Variants in BIRC6 observed in about 807,000 individuals in gnomAD.
BIRC6 encodes the protein baculoviral IAP repeat containing 6.
BIRC6 carries 98 observed loss-of-function variants against 503.3 expected under a neutral mutation model. That is an observed-to-expected ratio of 0.19 (90% CI 0.17 to 0.23). The LOEUF is 0.23. Among genes scored for constraint, BIRC6 ranks in the 10% least tolerant of loss-of-function variants. The probability of loss-of-function intolerance (pLI) is 1.00; values close to 1 mark genes in which losing one functional copy is unlikely to be tolerated. For missense variants in BIRC6, 5,360 were observed against 5,806.0 expected, an observed-to-expected ratio of 0.92 and a Z score of 2.50; for synonymous variants, 2,240 against 2,078.7, an observed-to-expected ratio of 1.08 and a Z score of -2.11.
chr2:32,582,637 C>T (rs746221764), intron 66 of BIRC6, among the ~76,000 whole-genome samples: 13 of 152,044 alleles, frequency 8.6e-5, no homozygotes, highest in Non-Finnish European at 1.2e-4. Context: ...TGGTGGCACG[C>T]ACCCGTAATC....
chr2:32,447,521 CAGA>C (rs2046172059), intron 21 of BIRC6, among the ~76,000 whole-genome samples: 1 of 127,554 alleles, frequency 7.8e-6, no homozygotes, highest in African/African-American at 3.2e-5. Flanking sequence ...GCTGGCCGGG[CAGA>C]GGGGTCCTCA....
chr2:32,400,050 C>A (rs550463205), intron 6 of BIRC6, among the ~76,000 whole-genome samples: 2 of 151,918 alleles, frequency 1.3e-5, no homozygotes, highest in South Asian at 2.1e-4. Context: ...CACCTTGGCC[C>A]CCCGAAGTGC....
chr2:32,397,976 C>T (rs2040158481), intron 6 of BIRC6, among the ~76,000 whole-genome samples: 1 of 152,044 alleles, frequency 6.6e-6, no homozygotes, highest in Admixed American at 6.6e-5. Flanking sequence ...GATTTGGTCT[C>T]TTAAGACCTG....
intron 61 of BIRC6, among the ~76,000 whole-genome samples, chr2:32,533,036 A>G (rs900501335): frequency 3.0e-4 from 46 of 152,314 alleles, no homozygotes; most frequent in African/African-American, 1.1e-3. Flanking sequence ...TGGATGATAA[A>G]GCTTCTGCCA....
At chr2:32,549,020 C>A in intron 64 of BIRC6, 1 of 194,190 alleles carries the variant, frequency 5.1e-6, no homozygotes, top group Admixed American at 6.0e-5. Context: ...TGAGTCTATT[C>A]AATAAAATAT....
chr2:32,505,439 A>G (rs2053683462), intron 50 of BIRC6: 1 of 447,138 alleles, frequency 2.2e-6, no homozygotes, highest in South Asian at 2.9e-5. Flanking sequence ...TTCCAGTTAT[A>G]TATTATTTCG....
chr2:32,579,647 C>G (rs996682578), intron 66 of BIRC6, among the ~76,000 whole-genome samples: 3 of 152,192 alleles, frequency 2.0e-5, no homozygotes, highest in African/African-American at 7.2e-5. Flanking sequence ...TATGATTTTA[C>G]CACTGCATTC....
chr2:32,378,718 A>C (rs966455142), intron 2 of BIRC6, among the ~76,000 whole-genome samples: 2 of 152,148 alleles, frequency 1.3e-5, no homozygotes, highest in African/African-American at 4.8e-5. Context: ...CAGCCTCCCA[A>C]AGTGCTGGGA....
rs951338590 is a variant in BIRC6, at chr2:32,477,485, G to C, written c.6970G>C (p.Ala2324Pro). The change falls in exon 35 of 74, where the codon GCC becomes CCC. Residue 2324 changes from alanine to proline, a missense_variant. Physicochemically the swap from Ala to Pro is conservative, Grantham distance 27. Coordinates refer to ENST00000421745, the MANE Select transcript of BIRC6 (RefSeq NM_016252.4). ...GATAGAACCACTTCCATTTACTCTG[G>C]CCCATGAGCGTTGTATCTCAGTAGT... is the stretch of plus-strand genomic sequence containing the variant. ...PEIEPLPFTLAHERCISVVQK... is the reference protein window; with the variant it reads ...PEIEPLPFTLPHERCISVVQK... 6.2e-7 allele frequency: 1 copy of C among 1,613,892 alleles called. No individual in the cohort carries two copies. The highest frequency in any genetic ancestry group is 1.7e-5 in the Admixed American group (1 of 60,014).
intron 57 of BIRC6, among the ~76,000 whole-genome samples, chr2:32,521,478 G>GT (rs1481101311): frequency 7.5e-6 from 1 of 133,202 alleles, no homozygotes; most frequent in Non-Finnish European, 1.6e-5. Context: ...TTTGTTTTTT[G>GT]TTTTTTGTTT....
rs773179302 is a variant in BIRC6 at position 32,448,798 on chromosome 2, T to C, written c.4488T>C (p.Tyr1496=). The C allele has an allele frequency of 1.3e-6, 2 of 1,591,658 alleles. No homozygotes were observed. Among genetic ancestry groups the C allele is most frequent in the African/African-American group, 1.4e-5 (1 of 73,502 alleles). ...AGTGCATTATTTTATTTTTCAGATA[T>C]GGATTATATAGCTCACCATTTGATC... ...TPMEALLQTR[Y]GLYSSPFDPV... Residue 1496 remains tyrosine, a synonymous_variant, in exon 22 of 74, where the codon TAT becomes TAC. Coordinates refer to ENST00000421745, the MANE Select transcript of BIRC6 (RefSeq NM_016252.4).
intron 61 of BIRC6, among the ~76,000 whole-genome samples, chr2:32,541,835 C>T (rs576092434): frequency 4.5e-4 from 68 of 152,218 alleles, no homozygotes; most frequent in African/African-American, 7.2e-5. Flanking sequence ...GAAAACTTCT[C>T]TTGGATAACC....
rs551821574 is a variant in BIRC6 at position 32,515,191 on chromosome 2, A to C, written c.10770A>C (p.Ser3590=). Reference sequence around the variant, plus strand: ...ATAGCAAAAAGCAGGATCTTAGTTCATCTTTAACAGATGACTCTAAAAATG... The same window carrying C: ...ATAGCAAAAAGCAGGATCTTAGTTCCTCTTTAACAGATGACTCTAAAAATG... ...TDDSKKQDLS[S]SLTDDSKNAQ... is the part of the protein sequence containing the mutation. Residue 3590 remains serine (S), a synonymous_variant, in exon 55 of 74, where the codon TCA becomes TCC. Transcript: ENST00000421745. 1.9e-6 allele frequency: 3 copies of C among 1,613,846 alleles called. No homozygotes were observed. The highest frequency in any genetic ancestry group is 2.5e-6 in the Non-Finnish European group (3 of 1,179,872).
intron 10 of BIRC6, among the ~76,000 whole-genome samples, chr2:32,422,094 T>G (rs1280732842): frequency 1.3e-5 from 2 of 152,232 alleles, no homozygotes; most frequent in African/African-American, 4.8e-5. Context: ...GTCATACTAA[T>G]AAAATCACTC....
At chr2:32,466,749 G>A (rs2048580142) in intron 26 of BIRC6, among the ~76,000 whole-genome samples, 1 of 152,170 alleles carries the variant, frequency 6.6e-6, no homozygotes, top group Non-Finnish European at 1.5e-5. Flanking sequence ...TTGTATAGTG[G>A]TTGATTGCCT....
rs1474438254 is a variant in BIRC6, at chr2:32,402,050, A to G, written c.1418+427A>G. Among the ~76,000 whole-genome samples the G allele has an allele frequency of 2.3e-4, 35 of 152,208 alleles. 1 individual carries two copies. Among genetic ancestry groups the G allele is most frequent in the Admixed American group, 2.3e-3 (35 of 15,274 alleles). On this transcript the variant is annotated intron_variant, in intron 8 of 73. Transcript: ENST00000421745. ...AGTGCTAATGAATAATAATAATGGG[A>G]TGACCTGAGGTGAGGCAAGAGGATC...
Position 32,463,360 on chromosome 2 carries a change from G to T in BIRC6, c.4920G>T (p.Gln1640His). 1 of 1,612,018 alleles carries T rather than the reference G, an allele frequency of 6.2e-7. No homozygotes were observed. The highest frequency in any genetic ancestry group is 8.5e-7 in the Non-Finnish European group (1 of 1,179,140). ...AGGTGCTGCAAGAGAAACAGCAGCAGCTTTTGAAGCTTCAGCAACAGGTTG... is the reference window on the plus strand; with the variant it reads ...AGGTGCTGCAAGAGAAACAGCAGCATCTTTTGAAGCTTCAGCAACAGGTTG... ...QLQVLQEKQQ[Q>H]LLKLQQQKAK... The change falls in exon 24 of 74, where the codon CAG becomes CAT. Residue 1640 changes from glutamine to histidine, a missense_variant. Gln to His is a conservative substitution (Grantham distance 24). Transcript: ENST00000421745.
Position 32,617,989 on chromosome 2 carries a change from T to C in BIRC6, c.*85T>C. 7.7e-7 allele frequency: 1 copy of C among 1,300,632 alleles called. No individual in the cohort carries two copies. Among genetic ancestry groups the C allele is most frequent in the Non-Finnish European group, 1.1e-6 (1 of 951,460 alleles). The allele number at this position is 1,300,632 out of a possible 1,614,324, so 80.6% of individuals were successfully genotyped here. On this transcript the variant is annotated 3_prime_UTR_variant, in exon 74 of 74. Transcript: ENST00000421745. ...ATATTTGTATGTAAGAAACTAATTA[T>C]GTAATAGGTAATGAAACTGAAACTA...
intron 3 of BIRC6, among the ~76,000 whole-genome samples, chr2:32,385,966 T>A (rs1254505115): frequency 1.3e-5 from 2 of 152,172 alleles, no homozygotes; most frequent in African/African-American, 4.8e-5. Context: ...TTAACCATGG[T>A]TGCAGAATCT....
Sources: allele counts gnomAD v4.1 joint callset (sites outside exome capture counted in the v4.1 genomes callset), GRCh38; gene constraint gnomAD v4.1.1; transcripts MANE v1.5; gene names NCBI Gene and HGNC (gene_info 2026-07-23, HGNC 2026-07-21).